Variants in FAM117B observed in about 807,000 individuals in gnomAD.
FAM117B encodes the protein protein FAM117B.
Under a neutral mutation model 52.8 loss-of-function variants are expected in FAM117B, and 22 were observed. The observed-to-expected ratio is 0.42, with a 90% CI of 0.30 to 0.59. The LOEUF (loss-of-function observed/expected upper bound fraction) is 0.59. Ranked by LOEUF, FAM117B falls within the 20% of genes least tolerant of loss-of-function variation. FAM117B has a pLI of 0.22. For missense variants in FAM117B, 678 were observed against 802.6 expected (o/e 0.84, Z 1.88); for synonymous variants, 309 against 324.1 (o/e 0.95, Z 0.50).
rs532952500 is a variant in FAM117B at position 202,765,925 on chromosome 2, C to G, written c.*161C>G. On this transcript the variant is annotated 3_prime_UTR_variant, in exon 8 of 8. Transcript: ENST00000392238. ...GAAGAAAGGATCCCCCGTGACGGCT[C>G]TGCCCCACTTGTGAACGCCAACCCT... 1.8e-5 allele frequency: 13 copies of G among 730,610 alleles called. No individual in the cohort carries two copies. The East Asian group carries it at 3.5e-4, about 20-fold the overall frequency. 45.3% of individuals were successfully genotyped at this position (730,610 alleles called of 1,614,324 possible). A position where few individuals can be genotyped will look rare whatever the true frequency, so the allele number is the denominator to read the frequency against.
chr2:202,669,316 A>G (rs1034094931), intron 1 of FAM117B, among the ~76,000 whole-genome samples: 21 of 152,072 alleles, frequency 1.4e-4, no homozygotes, highest in African/African-American at 2.2e-4. Flanking sequence ...AAACATAGAT[A>G]TTTTTCTGTA....
At chr2:202,746,830 A>G (rs374049146) in intron 4 of FAM117B, among the ~76,000 whole-genome samples, 16 of 152,156 alleles carry the variant, frequency 1.1e-4, no homozygotes, top group East Asian at 5.8e-4. Flanking sequence ...TAGAACTAGC[A>G]CCAGTTCTTC....
chr2:202,745,970 G>C (rs558941901), intron 4 of FAM117B, among the ~76,000 whole-genome samples: 1 of 152,320 alleles, frequency 6.6e-6, no homozygotes, highest in Admixed American at 6.5e-5. Flanking sequence ...AGAGCTTAAA[G>C]AGAGAAATAG....
At chr2:202,703,473 G>A (rs1475848949) in intron 2 of FAM117B, among the ~76,000 whole-genome samples, 1 of 152,130 alleles carries the variant, frequency 6.6e-6, no homozygotes, top group Admixed American at 6.5e-5. Flanking sequence ...CCCCTGCCCA[G>A]CCTCCTGATT....
At chr2:202,740,201 A>AAAAAAAAAAAAT (rs1559113324) in intron 4 of FAM117B, among the ~76,000 whole-genome samples, 2 of 147,508 alleles carry the variant, frequency 1.4e-5, no homozygotes, top group African/African-American at 5.0e-5. Flanking sequence ...AAAAAAAAAA[A>AAAAAAAAAAAAT]ATCCCCAAAT....
intron 4 of FAM117B, among the ~76,000 whole-genome samples, chr2:202,731,843 C>G (rs1204992620): frequency 6.6e-6 from 1 of 152,080 alleles, no homozygotes; most frequent in African/African-American, 2.4e-5. Context: ...TCAAGTGATT[C>G]TCCTGCCTCA....
intron 4 of FAM117B, among the ~76,000 whole-genome samples, chr2:202,747,598 AC>A (rs2105796165): frequency 6.6e-6 from 1 of 152,302 alleles, no homozygotes; most frequent in Non-Finnish European, 1.5e-5. Context: ...AAATGAATTT[AC>A]TAAAGTCGCT....
In FAM117B at chr2:202,688,065, A is replaced by G. The variant is rs1046605144; in HGVS notation, c.602-7816A>G. Reference sequence around the variant, plus strand: ...AAATAAATTCTCATGTAAGTTTATCATTTTAAAAACATAATTTTAAATATC... The same window carrying G: ...AAATAAATTCTCATGTAAGTTTATCGTTTTAAAAACATAATTTTAAATATC... On this transcript the variant is annotated intron_variant, in intron 1 of 7. Coordinates refer to ENST00000392238, the MANE Select transcript of FAM117B (RefSeq NM_173511.4). Among the ~76,000 whole-genome samples, 11 of 152,304 alleles carry G rather than the reference A, an allele frequency of 7.2e-5. No homozygotes were observed. In the South Asian group the frequency reaches 2.3e-3, roughly 32 times the overall value.
At chr2:202,668,549 AAAAG>A (rs1364955498) in intron 1 of FAM117B, among the ~76,000 whole-genome samples, 1 of 147,816 alleles carries the variant, frequency 6.8e-6, no homozygotes, top group Non-Finnish European at 1.5e-5. Flanking sequence ...AAAAAAAAGA[AAAAG>A]AAGGTATAGT....
rs1276968262 is a variant in FAM117B, at chr2:202,767,240, G to C, written c.*1476G>C. On this transcript the variant is annotated 3_prime_UTR_variant, in exon 8 of 8. Transcript: ENST00000392238. The stretch of plus-strand genomic sequence containing the variant: ...CAATGGCGCAATCTCGGCTCACTGC[G>C]ACCTCTGTCTCCCAGGTTCAAGCAG... 1 of 147,020 alleles carries C rather than the reference G, an allele frequency of 6.8e-6. No homozygotes were observed. The highest frequency in any genetic ancestry group is 7.1e-5 in the Admixed American group (1 of 14,066). 9.1% of individuals were successfully genotyped at this position (147,020 alleles called of 1,614,324 possible).
At chr2:202,730,261 C>G (rs1246200997) in intron 4 of FAM117B, among the ~76,000 whole-genome samples, 1 of 152,102 alleles carries the variant, frequency 6.6e-6, no homozygotes, top group African/African-American at 2.4e-5. Context: ...GAATTCTAAC[C>G]TAGGCATTGT....
intron 1 of FAM117B, among the ~76,000 whole-genome samples, chr2:202,674,033 C>G (rs55728214): frequency 0.078 from 11,829 of 152,116 alleles, 1,531 homozygotes; most frequent in African/African-American, 0.27. Flanking sequence ...GCACCCCCCC[C>G]ACCTCTGAAA....
chr2:202,680,572 A>G (rs1690448038), intron 1 of FAM117B, among the ~76,000 whole-genome samples: 1 of 152,216 alleles, frequency 6.6e-6, no homozygotes, highest in Non-Finnish European at 1.5e-5. Context: ...ACCAGTGATA[A>G]AGAGAAAAAA....
At chr2:202,696,812 T>C (rs1415736734) in intron 2 of FAM117B, among the ~76,000 whole-genome samples, 2 of 152,218 alleles carry the variant, frequency 1.3e-5, no homozygotes, top group Non-Finnish European at 2.9e-5. Context: ...ACGCCTATAG[T>C]GCCAGCACTT....
intron 2 of FAM117B, among the ~76,000 whole-genome samples, chr2:202,702,320 G>A (rs891665464): frequency 1.3e-5 from 2 of 152,008 alleles, no homozygotes; most frequent in Non-Finnish European, 2.9e-5. Context: ...GAACCCGGGA[G>A]GCAGAGGTTG....
intron 4 of FAM117B, among the ~76,000 whole-genome samples, chr2:202,749,958 T>G (rs1691698507): frequency 6.6e-6 from 1 of 152,214 alleles, no homozygotes; most frequent in South Asian, 2.1e-4. Flanking sequence ...ATTAGTCTCT[T>G]CAGGCAGCCA....
At chr2:202,738,957 G>T (rs1162715741) in intron 4 of FAM117B, among the ~76,000 whole-genome samples, 1 of 152,208 alleles carries the variant, frequency 6.6e-6, no homozygotes, top group African/African-American at 2.4e-5. Flanking sequence ...GGTAGGCTGA[G>T]GTGGGTGGGA....
chr2:202,635,739 C>T lies in FAM117B; in HGVS notation c.552C>T (p.Ser184=), dbSNP rs1488386346. ...VRHRRRSPEQ[S]RSSPEKRSPS... The stretch of plus-strand genomic sequence containing the variant: ...ATCGGAGGAGGTCTCCGGAGCAGAG[C>T]CGAAGCTCGCCGGAGAAGAGGAGCC... Residue 184 remains serine, a synonymous_variant, in exon 1 of 8, where the codon AGC becomes AGT. Coordinates refer to ENST00000392238, the MANE Select transcript of FAM117B (RefSeq NM_173511.4). The T allele has an allele frequency of 1.4e-6, 2 of 1,457,676 alleles. No individual in the cohort carries two copies. Among genetic ancestry groups the T allele is most frequent in the Non-Finnish European group, 1.8e-6 (2 of 1,108,006 alleles). 90.3% of individuals were successfully genotyped at this position (1,457,676 alleles called of 1,614,324 possible). A position where few individuals can be genotyped will look rare whatever the true frequency, so the allele number is the denominator to read the frequency against.
intron 1 of FAM117B, among the ~76,000 whole-genome samples, chr2:202,671,414 A>G (rs1384220482): frequency 6.6e-6 from 1 of 152,248 alleles, no homozygotes; most frequent in African/African-American, 2.4e-5. Context: ...TTGAGGGATA[A>G]GACATTTACT....
Sources: gnomAD v4.1 joint callset for allele counts (sites outside exome capture counted in the v4.1 genomes callset) on GRCh38, gnomAD v4.1.1 for gene constraint, MANE v1.5 for transcripts, NCBI Gene and HGNC (gene_info 2026-07-23, HGNC 2026-07-21) for gene names.